Variants in ASXL3 observed in about 807,000 individuals in gnomAD.
ASXL3 encodes putative Polycomb group protein ASXL3.
ASXL3 carries 34 observed loss-of-function variants against 170.6 expected under a neutral mutation model. That is an observed-to-expected ratio of 0.20 (90% CI 0.15 to 0.27). The LOEUF is 0.27. Among genes scored for constraint, ASXL3 ranks in the 10% least tolerant of loss-of-function variants. The probability of loss-of-function intolerance (pLI) is 1.00; values close to 1 mark genes in which losing one functional copy is unlikely to be tolerated. For missense variants in ASXL3, 2,592 were observed against 2,695.3 expected, an observed-to-expected ratio of 0.96 and a Z score of 0.85; for synonymous variants, 1,002 against 989.1, an observed-to-expected ratio of 1.01 and a Z score of -0.24.
chr18:33,669,545 A>G (rs974471379), intron 5 of ASXL3, among the ~76,000 whole-genome samples: 4 of 152,204 alleles, frequency 2.6e-5, no homozygotes, highest in Admixed American at 1.3e-4. Context: ...TTTCACTTCT[A>G]TAATTATTTG....
At chr18:33,673,247 C>T (rs756471734) in intron 7 of ASXL3, among the ~76,000 whole-genome samples, 10 of 152,148 alleles carry the variant, frequency 6.6e-5, no homozygotes, top group Non-Finnish European at 1.2e-4. Flanking sequence ...AAGTTAGTGC[C>T]ATGTAATGAG....
At position 33,744,606 on chromosome 18, in the gene ASXL3, A is replaced by G; in HGVS notation, c.4758A>G (p.Pro1586=). The G allele has an allele frequency of 6.2e-7, 1 of 1,608,556 alleles. No individual in the cohort carries two copies. The highest frequency in any genetic ancestry group is 8.5e-7 in the Non-Finnish European group (1 of 1,177,202). Residue 1586 remains proline (P), a synonymous_variant, in exon 12 of 12, where the codon CCA becomes CCG. Coordinates refer to ENST00000269197, the MANE Select transcript of ASXL3 (RefSeq NM_030632.3). ...SHNFAEQARG[P]APFKSEADTT... ...ACTTTGCTGAGCAGGCACGTGGCCC[A>G]GCTCCTTTCAAAAGTGAAGCAGACA...
chr18:33,639,298 A>G (rs897322447), intron 2 of ASXL3, among the ~76,000 whole-genome samples: 3 of 152,108 alleles, frequency 2.0e-5, no homozygotes, highest in African/African-American at 4.8e-5. Flanking sequence ...GAGAAGTCCA[A>G]TGTGACACAG....
intron 2 of ASXL3, among the ~76,000 whole-genome samples, chr18:33,638,799 T>C (rs950109519): frequency 9.9e-5 from 15 of 152,150 alleles, no homozygotes; most frequent in African/African-American, 3.4e-4. Flanking sequence ...TAGATAATAG[T>C]TGTGAAAGCC....
intron 11 of ASXL3, 123 bp downstream of exon 11, chr18:33,740,566 T>C: frequency 1.0e-6 from 1 of 963,712 alleles, no homozygotes; most frequent in African/African-American, 1.7e-5. Flanking sequence ...TATAATCTAA[T>C]CCTCTAATAG....
chr18:33,697,514 A>T (rs1292555472), intron 8 of ASXL3, among the ~76,000 whole-genome samples: 1 of 152,110 alleles, frequency 6.6e-6, no homozygotes, highest in Non-Finnish European at 1.5e-5. Context: ...GAATCTTATG[A>T]TATCTTAGGC....
At chr18:33,742,252 C>T (rs2067676521) in intron 11 of ASXL3, among the ~76,000 whole-genome samples, 1 of 152,206 alleles carries the variant, frequency 6.6e-6, no homozygotes, top group African/African-American at 2.4e-5. Flanking sequence ...TCCCATTTTA[C>T]AACTGAGTTT....
chr18:33,744,902 A>G lies in ASXL3; in HGVS notation c.5054A>G (p.Asp1685Gly), dbSNP rs1452281673. The change falls in exon 12 of 12, where the codon GAC (aspartate) becomes GGC (glycine). Residue 1685 changes from aspartate to glycine, a missense_variant. This residue lies in a region of ASXL3 where 2,246 missense variants were observed against 2,219.6 expected (regional missense o/e 1.01). Coordinates refer to ENST00000269197, the MANE Select transcript of ASXL3 (RefSeq NM_030632.3). ...AAGGGCTTTAGAATGGACACTGAAG[A>G]CTTCCCTGGCCCTGAGCTGCCTCCT... Reference protein sequence around the residue: ...ADKGFRMDTEDFPGPELPPPA... With the variant: ...ADKGFRMDTEGFPGPELPPPA... 2 of 1,613,872 alleles carry G rather than the reference A, an allele frequency of 1.2e-6. No individual in the cohort carries two copies. The highest frequency in any genetic ancestry group is 8.5e-7 in the Non-Finnish European group (1 of 1,179,890).
intron 8 of ASXL3, among the ~76,000 whole-genome samples, chr18:33,687,876 T>G (rs955155609): frequency 3.9e-5 from 6 of 152,326 alleles, no homozygotes; most frequent in African/African-American, 1.4e-4. Flanking sequence ...CTCAGTTAAT[T>G]AGAAGACAGA....
Position 33,739,677 on chromosome 18 carries a change from C to T in ASXL3, c.2273C>T (p.Ser758Phe), listed in dbSNP as rs770231384. Reference protein sequence around the residue: ...LPSETSPISNSSINERMAHQQ... With the variant: ...LPSETSPISNFSINERMAHQQ... ...TCAGAAACATCTCCAATTTCCAACT[C>T]TTCCATAAATGAGAGAATGGCACAT... is the stretch of plus-strand genomic sequence containing the variant. The change falls in exon 11 of 12, where the codon TCT (serine) becomes TTT (phenylalanine). Residue 758 changes from serine (S) to phenylalanine (F), a missense_variant. Transcript: ENST00000269197. 5 of 1,613,820 alleles carry T rather than the reference C, an allele frequency of 3.1e-6. No homozygotes were observed. The South Asian group carries it at 4.4e-5, about 14-fold the overall frequency.
intron 8 of ASXL3, among the ~76,000 whole-genome samples, chr18:33,702,576 T>C (rs2066891826): frequency 6.6e-6 from 1 of 152,212 alleles, no homozygotes; most frequent in South Asian, 2.1e-4. Context: ...AAAGTATATT[T>C]TCCTCAGAGA....
chr18:33,744,247 C>T lies in ASXL3; in HGVS notation c.4399C>T (p.Arg1467Ter), dbSNP rs1204482456. 6.2e-7 allele frequency: 1 copy of T among 1,613,970 alleles called. No homozygotes were observed. Among genetic ancestry groups the T allele is most frequent in the Non-Finnish European group, 8.5e-7 (1 of 1,179,892 alleles). ...PGGFAPAAIN[R>*]SIPCKVIVDH... The stretch of plus-strand genomic sequence containing the variant: ...GGGCTTTGCACCAGCAGCCATAAAC[C>T]GATCAATTCCGTGTAAAGTCATCGT... Residue 1467 changes from arginine (R) to a stop codon, truncating the protein, a stop_gained, in exon 12 of 12, where the codon CGA becomes TGA. Coordinates refer to ENST00000269197, the MANE Select transcript of ASXL3 (RefSeq NM_030632.3). LOFTEE classifies it high-confidence loss of function.
chr18:33,661,387 C>T (rs1362890476), intron 4 of ASXL3, among the ~76,000 whole-genome samples: 1 of 152,046 alleles, frequency 6.6e-6, no homozygotes, highest in African/African-American at 2.4e-5. Flanking sequence ...AAATTATCAT[C>T]AATTTGCGGG....
At chr18:33,652,747 T>C (rs891850079) in intron 4 of ASXL3, among the ~76,000 whole-genome samples, 17 of 152,068 alleles carry the variant, frequency 1.1e-4, no homozygotes, top group African/African-American at 4.1e-4. Context: ...GATTGTGTGA[T>C]TCTTGGCAGA....
intron 7 of ASXL3, among the ~76,000 whole-genome samples, chr18:33,674,847 T>G (rs1160930854): frequency 6.6e-6 from 1 of 152,146 alleles, no homozygotes; most frequent in Non-Finnish European, 1.5e-5. Flanking sequence ...CTCGATCTCC[T>G]GACCTCATGA....
chr18:33,724,907 T>C (rs1401649830), intron 8 of ASXL3, among the ~76,000 whole-genome samples: 1 of 152,182 alleles, frequency 6.6e-6, no homozygotes, highest in Non-Finnish European at 1.5e-5. Context: ...TCCATCCCTT[T>C]TAACAGCCTT....
intron 2 of ASXL3, among the ~76,000 whole-genome samples, chr18:33,636,800 T>A (rs1223233137): frequency 6.6e-6 from 1 of 152,056 alleles, no homozygotes; most frequent in Non-Finnish European, 1.5e-5. Context: ...GATTTTGGAT[T>A]TTTTTAAAAA....
chr18:33,602,718 C>T (rs2145115774), intron 1 of ASXL3, among the ~76,000 whole-genome samples: 1 of 152,048 alleles, frequency 6.6e-6, no homozygotes, highest in South Asian at 2.1e-4. Context: ...AGTCACTAGC[C>T]TAATGGCCTT....
chr18:33,730,371 C>T (rs1392670174), intron 8 of ASXL3, among the ~76,000 whole-genome samples: 2 of 152,108 alleles, frequency 1.3e-5, no homozygotes, highest in East Asian at 1.9e-4. Flanking sequence ...GGACAGAATG[C>T]ATGCAGTCTG....
Sources: allele counts gnomAD v4.1 joint callset (sites outside exome capture counted in the v4.1 genomes callset), GRCh38; gene constraint gnomAD v4.1.1; regional missense constraint gnomAD v4.1.1; transcripts MANE v1.5; gene names NCBI Gene and HGNC (gene_info 2026-07-23, HGNC 2026-07-21).